ZMYM4: variants seen among roughly 807,000 people sequenced by gnomAD.
ZMYM4 encodes the protein zinc finger MYM-type protein 4.
Under a neutral mutation model 183.2 loss-of-function variants are expected in ZMYM4, and 31 were observed. The observed-to-expected ratio is 0.17, with a 90% confidence interval of 0.13 to 0.23. The LOEUF (loss-of-function observed/expected upper bound fraction) is 0.23. Among genes scored for constraint, ZMYM4 ranks in the 10% least tolerant of loss-of-function variants. ZMYM4 has a pLI of 1.00. For missense variants in ZMYM4, 1,273 were observed against 1,840.3 expected, an observed-to-expected ratio of 0.69 and a Z score of 5.64; for synonymous variants, 592 against 631.2, an observed-to-expected ratio of 0.94 and a Z score of 0.93.
intron 1 of ZMYM4, among the ~76,000 whole-genome samples, chr1:35,301,742 G>T (rs1420451720): frequency 6.6e-6 from 1 of 152,002 alleles, no homozygotes; most frequent in East Asian, 1.9e-4. Flanking sequence ...GCAGATCTCT[G>T]AACTTCTCAG....
At chr1:35,347,282 C>T (rs1481441661) in intron 2 of ZMYM4, among the ~76,000 whole-genome samples, 2 of 152,230 alleles carry the variant, frequency 1.3e-5, no homozygotes, top group African/African-American at 4.8e-5. Context: ...GCTGGGATTA[C>T]AGGCGTGAGC....
At chr1:35,301,341 G>A (rs1382428519) in intron 1 of ZMYM4, among the ~76,000 whole-genome samples, 1 of 152,142 alleles carries the variant, frequency 6.6e-6, no homozygotes, top group Non-Finnish European at 1.5e-5. Flanking sequence ...AAGGTCAGGA[G>A]TTCAAGACCA....
intron 1 of ZMYM4, among the ~76,000 whole-genome samples, chr1:35,272,672 T>C (rs900741576): frequency 8.5e-5 from 13 of 152,148 alleles, no homozygotes; most frequent in African/African-American, 3.1e-4. Flanking sequence ...GATCTTCTGA[T>C]TGTTCTGGAT....
intron 28 of ZMYM4, 73 bp from the exon 29 acceptor site, chr1:35,418,370 C>A: frequency 2.0e-6 from 3 of 1,527,162 alleles, no homozygotes; most frequent in South Asian, 1.2e-5. Flanking sequence ...CGAAGCAAAG[C>A]TCATTGGTGT....
At chr1:35,302,456 G>A (rs1256680161) in intron 1 of ZMYM4, among the ~76,000 whole-genome samples, 1 of 143,438 alleles carries the variant, frequency 7.0e-6, no homozygotes, top group African/African-American at 2.6e-5. Flanking sequence ...TGCGATCTCA[G>A]CTCACTGCAA....
intron 2 of ZMYM4, among the ~76,000 whole-genome samples, chr1:35,331,723 G>T (rs1270126326): frequency 1.3e-5 from 2 of 151,776 alleles, no homozygotes; most frequent in Non-Finnish European, 2.9e-5. Context: ...GGAAGTGGAG[G>T]TTGCAGTGAG....
intron 1 of ZMYM4, among the ~76,000 whole-genome samples, chr1:35,318,519 A>G (rs1642152424): frequency 6.6e-6 from 1 of 151,640 alleles, no homozygotes; most frequent in South Asian, 2.1e-4. Context: ...GTACAGTGGC[A>G]TAATCTCGGC....
At chr1:35,415,750 T>G (rs1363676632) in intron 28 of ZMYM4, 36 bp downstream of exon 28, 6 of 1,600,316 alleles carry the variant, frequency 3.7e-6, no homozygotes, top group Non-Finnish European at 5.1e-6. Flanking sequence ...CTCTTTGAAG[T>G]CTTAGTAGTA....
intron 25 of ZMYM4, among the ~76,000 whole-genome samples, chr1:35,406,834 G>A (rs910417074): frequency 6.6e-6 from 1 of 152,268 alleles, no homozygotes; most frequent in Middle Eastern, 3.4e-3. Flanking sequence ...TAGAAAGGGT[G>A]TTTTAATCTT....
At chr1:35,310,721 G>C (rs1641755129) in intron 1 of ZMYM4, among the ~76,000 whole-genome samples, 1 of 151,986 alleles carries the variant, frequency 6.6e-6, no homozygotes, top group Non-Finnish European at 1.5e-5. Flanking sequence ...TGGGATTACA[G>C]GCATGCACCA....
chr1:35,392,059 A>G (rs1644717241), intron 15 of ZMYM4, among the ~76,000 whole-genome samples, 153 bp from the exon 16 acceptor site: 1 of 152,042 alleles, frequency 6.6e-6, no homozygotes, highest in Non-Finnish European at 1.5e-5. Flanking sequence ...AAAAAAAAAG[A>G]AGAAAACCAA....
Position 35,269,088 on chromosome 1 carries a change from A to AG in ZMYM4, c.39+5dup. On this transcript the variant is annotated splice_donor_region_variant and intron_variant, in intron 1 of 29. Coordinates refer to ENST00000314607, the MANE Select transcript of ZMYM4 (RefSeq NM_005095.3). The stretch of plus-strand genomic sequence containing the variant: ...TGGAGTCCGGCCCCCGAAAGAGGGT[A>AG]GGTGAGGTGAGGCAGAACTCGGGCG... The AG allele has an allele frequency of 6.5e-7, 1 of 1,546,946 alleles. No individual in the cohort carries two copies. Among genetic ancestry groups the AG allele is most frequent in the South Asian group, 1.2e-5 (1 of 83,892 alleles).
chr1:35,367,500 A>T (rs1644114339), intron 5 of ZMYM4, among the ~76,000 whole-genome samples: 1 of 152,102 alleles, frequency 6.6e-6, no homozygotes, highest in Non-Finnish European at 1.5e-5. Context: ...AGGTGATTGG[A>T]TTACAGGTGT....
intron 7 of ZMYM4, among the ~76,000 whole-genome samples, chr1:35,372,119 A>G (rs1644227577): frequency 6.6e-6 from 1 of 152,208 alleles, no homozygotes; most frequent in African/African-American, 2.4e-5. Flanking sequence ...ATTTAGAACC[A>G]TGTATATTGA....
intron 1 of ZMYM4, among the ~76,000 whole-genome samples, chr1:35,294,942 T>A (rs1640933474): frequency 6.6e-6 from 1 of 152,238 alleles, no homozygotes; most frequent in Admixed American, 6.5e-5. Context: ...TGAGTCATTT[T>A]AGATTCCACT....
chr1:35,387,505 A>G lies in ZMYM4; in HGVS notation c.2164A>G (p.Ile722Val). 1.2e-6 allele frequency: 2 copies of G among 1,613,196 alleles called. No homozygotes were observed. Among genetic ancestry groups the G allele is most frequent in the African/African-American group, 1.3e-5 (1 of 75,008 alleles). The change falls in exon 13 of 30, where the codon ATA becomes GTA. Residue 722 changes from isoleucine (I) to valine (V), a missense_variant. By Grantham distance (29) the Ile-to-Val change is conservative (BLOSUM62 3). Around this residue, in one of 6 missense-constraint regions of ZMYM4, gnomAD observed 319 missense variants for 518.1 expected, o/e 0.62. Transcript: ENST00000314607. ...GKNCSDEYKK[I>V]NNVMAMCEYC... ...GAATTGTTCTGATGAATATAAGAAAATAAATAATGTAATGGCAATGTGTGA... is the reference window on the plus strand; with the variant it reads ...GAATTGTTCTGATGAATATAAGAAAGTAAATAATGTAATGGCAATGTGTGA...
chr1:35,369,936 T>C, intron 5 of ZMYM4, 93 bp from the exon 6 acceptor site: 1 of 826,880 alleles, frequency 1.2e-6, no homozygotes, highest in South Asian at 1.8e-5. Context: ...TTTCCACCTC[T>C]ATATAGTGGT....
chr1:35,358,199 G>A (rs1036496253), intron 2 of ZMYM4, among the ~76,000 whole-genome samples: 1 of 152,114 alleles, frequency 6.6e-6, no homozygotes, highest in Non-Finnish European at 1.5e-5. Context: ...AGTTTGTGAA[G>A]GGAAGATGAA....
At position 35,299,031 on chromosome 1, in the gene ZMYM4, GT is replaced by G. The variant is rs75810224; in HGVS notation, c.40-26311del. The stretch of plus-strand genomic sequence containing the variant: ...ATTTATTTTGCCTTCAGTTTTGAAA[GT>G]TTTTTTTTTTTTTTTTTAAGAAACA... On this transcript the variant is annotated intron_variant, in intron 1 of 29. Coordinates refer to ENST00000314607, the MANE Select transcript of ZMYM4 (RefSeq NM_005095.3). 2.8e-3 allele frequency among the ~76,000 whole-genome samples: 374 copies of G among 135,278 alleles called. 2 individuals are homozygous for G. The highest frequency in any genetic ancestry group is 3.0e-3 in the Non-Finnish European group (189 of 62,098). 88.7% of individuals were successfully genotyped at this position (135,278 alleles called of 152,430 possible).
Sources: allele counts gnomAD v4.1 joint callset (sites outside exome capture counted in the v4.1 genomes callset), GRCh38; gene constraint gnomAD v4.1.1; regional missense constraint gnomAD v4.1.1; transcripts MANE v1.5; gene names NCBI Gene and HGNC (gene_info 2026-07-23, HGNC 2026-07-21).